ACCSL: variants seen among roughly 807,000 people sequenced by gnomAD.
ACCSL encodes 1-aminocyclopropane-1-carboxylate synthase homolog (inactive) like.
A neutral mutation model predicts 61.7 loss-of-function variants in ACCSL; 55 were observed. The observed-to-expected ratio is 0.89, with a 90% CI of 0.72 to 1.12. ACCSL has a LOEUF of 1.12. ACCSL is among the 50% of genes most tolerant of loss of function. ACCSL has a pLI of 0.00. For synonymous variants in ACCSL, 258 were observed against 264.3 expected, an observed-to-expected ratio of 0.98 and a Z score of 0.23; for missense variants, 632 against 698.0, an observed-to-expected ratio of 0.91 and a Z score of 1.07.
chr11:44,052,071 G>C (rs1410943743), intron 5 of ACCSL, among the ~76,000 whole-genome samples: 1 of 152,186 alleles, frequency 6.6e-6, no homozygotes, highest in Non-Finnish European at 1.5e-5. Context: ...TTCAGAAAAA[G>C]GCTAATTAGT....
At chr11:44,053,664 C>T (rs1374639099) in intron 8 of ACCSL, among the ~76,000 whole-genome samples, 158 bp downstream of exon 8, 4 of 152,122 alleles carry the variant, frequency 2.6e-5, no homozygotes, top group Admixed American at 2.6e-4. Context: ...GAGTTCGAGA[C>T]CAGCATGGCC....
the ACCSL span, among the ~76,000 whole-genome samples, chr11:43,980,046 G>A: frequency 6.6e-6 from 1 of 152,048 alleles, no homozygotes; most frequent in Non-Finnish European, 1.5e-5. Context: ...ACTTAATCAG[G>A]AATAGAATCT....
chr11:44,048,959 G>T (rs1952618270), intron 1 of ACCSL, among the ~76,000 whole-genome samples: 1 of 152,200 alleles, frequency 6.6e-6, no homozygotes, highest in African/African-American at 2.4e-5. Context: ...CCAGCCATGT[G>T]GTGATGGCCA....
Position 44,051,337 on chromosome 11 carries a change from T to C in ACCSL, c.638T>C (p.Leu213Pro). Residue 213 changes from leucine to proline, a missense_variant and splice_region_variant, in exon 4 of 14, where the codon CTG becomes CCG. Transcript: ENST00000378832. ...GGTCTCTCTGGGTCTGTTTACAGCC[T>C]GCGGGAAGAAGTGGCCCGGTTCCTG... ...QYPDWRGQPFLREEVARFLTY... is the reference protein window; with the variant it reads ...QYPDWRGQPFPREEVARFLTY... 7 of 1,614,176 alleles carry C rather than the reference T, an allele frequency of 4.3e-6. No homozygotes were observed. Among genetic ancestry groups the C allele is most frequent in the Non-Finnish European group, 5.9e-6 (7 of 1,180,026 alleles).
At chr11:43,993,627 G>A in the ACCSL span, among the ~76,000 whole-genome samples, 1 of 152,162 alleles carries the variant, frequency 6.6e-6, no homozygotes, top group African/African-American at 2.4e-5. Context: ...CCAGCCTCCT[G>A]GACGCCCCTT....
At chr11:44,028,935 T>A in the ACCSL span, among the ~76,000 whole-genome samples, 8 of 152,204 alleles carry the variant, frequency 5.3e-5, no homozygotes, top group African/African-American at 1.9e-4. Context: ...TTAGAACAGG[T>A]GTGTTCAGGC....
the ACCSL span, among the ~76,000 whole-genome samples, chr11:43,965,014 C>G: frequency 2.6e-5 from 4 of 152,216 alleles, no homozygotes; most frequent in Non-Finnish European, 4.4e-5. Context: ...GAAACTTTCC[C>G]TCTAAGATCA....
the ACCSL span, among the ~76,000 whole-genome samples, chr11:43,969,395 T>G: frequency 1.3e-5 from 2 of 152,180 alleles, 1 homozygote; most frequent in South Asian, 4.1e-4. Context: ...TTTTAAACAA[T>G]TTTCTTATTT....
At chr11:44,008,168 T>G in the ACCSL span, among the ~76,000 whole-genome samples, 2,521 of 152,250 alleles carry the variant, frequency 0.017, 66 homozygotes, top group African/African-American at 0.058. Context: ...CCCAGGATGA[T>G]TCACCTTCTA....
chr11:43,937,674 C>A, the ACCSL span, among the ~76,000 whole-genome samples: 1 of 152,150 alleles, frequency 6.6e-6, no homozygotes. Flanking sequence ...CCCGCCCCCT[C>A]CAAAACTGCC....
At chr11:43,944,857 C>CT in the ACCSL span, 2 of 152,344 alleles carry the variant, frequency 1.3e-5, no homozygotes, top group East Asian at 3.9e-4. Context: ...CAGACCCTCC[C>CT]TCCAGGATTA....
the ACCSL span, among the ~76,000 whole-genome samples, chr11:43,925,984 T>G: frequency 6.6e-6 from 1 of 152,208 alleles, no homozygotes; most frequent in African/African-American, 2.4e-5. Flanking sequence ...GCGGTCCTTC[T>G]GTGGCTGACG....
chr11:44,046,412 T>TTA (rs1197015365), upstream of ACCSL, among the ~76,000 whole-genome samples: 3 of 152,198 alleles, frequency 2.0e-5, no homozygotes, highest in African/African-American at 7.2e-5. Flanking sequence ...ATCCTTGTGG[T>TTA]TATGCCTCTC....
the ACCSL span, among the ~76,000 whole-genome samples, chr11:44,004,904 G>C: frequency 6.6e-6 from 1 of 152,118 alleles, no homozygotes; most frequent in African/African-American, 2.4e-5. Context: ...CTTTCCCATC[G>C]AGGGGATGCA....
chr11:44,004,182 G>A, the ACCSL span, among the ~76,000 whole-genome samples: 2 of 151,660 alleles, frequency 1.3e-5, no homozygotes, highest in South Asian at 2.1e-4. Context: ...CCAGGAGTGA[G>A]TGAGGTGAAG....
the ACCSL span, among the ~76,000 whole-genome samples, chr11:43,954,044 G>T: frequency 1.3e-5 from 2 of 152,254 alleles, no homozygotes; most frequent in South Asian, 4.1e-4. Flanking sequence ...GTGGGAACAG[G>T]TGACTTGTCG....
rs777082041 is a variant in ACCSL at position 44,055,212 on chromosome 11, C to G, written c.1060C>G (p.His354Asp). Residue 354 changes from histidine (H) to aspartate (D), a missense_variant, in exon 9 of 14, where the codon CAT (histidine) becomes GAT (aspartate). Physicochemically the swap from His to Asp is moderately conservative, Grantham distance 81. Transcript: ENST00000378832. ...YLEFAKRYNL[H>D]VIIDEIYMLS... ...TCATCTAATCTACAGGTATAACCTA[C>G]ATGTGATCATAGATGAGATTTACAT... The G allele has an allele frequency of 1.2e-6, 2 of 1,608,988 alleles. No individual in the cohort carries two copies. Among genetic ancestry groups the G allele is most frequent in the African/African-American group, 2.7e-5 (2 of 74,858 alleles).
chr11:44,001,973 C>A, the ACCSL span, among the ~76,000 whole-genome samples: 5 of 151,702 alleles, frequency 3.3e-5, no homozygotes, highest in African/African-American at 4.8e-5. Context: ...TCAGAGCTAG[C>A]ACAGCTCATT....
At chr11:44,031,226 G>A in the ACCSL span, among the ~76,000 whole-genome samples, 2 of 152,132 alleles carry the variant, frequency 1.3e-5, no homozygotes, top group African/African-American at 4.8e-5. Flanking sequence ...ATAAACGTTC[G>A]CACGTCATCC....
Sources: allele counts gnomAD v4.1 joint callset (sites outside exome capture counted in the v4.1 genomes callset), GRCh38; gene constraint gnomAD v4.1.1; transcripts MANE v1.5; gene names NCBI Gene and HGNC (gene_info 2026-07-23, HGNC 2026-07-21).